GMDS: variants seen among roughly 807,000 people sequenced by gnomAD.
The protein encoded by GMDS is GDP-mannose 4,6-dehydratase, also known as GDP-mannose 4,6 dehydratase.
A neutral mutation model predicts 49.9 loss-of-function variants in GMDS; 20 were observed. That is an observed-to-expected ratio of 0.40 (90% CI 0.28 to 0.58). The LOEUF (loss-of-function observed/expected upper bound fraction) is 0.58, where lower values mean the gene tolerates loss of function less well. GMDS is among the 20% of genes least tolerant of loss of function. GMDS has a pLI of 0.42. For synonymous variants in GMDS, 177 were observed against 178.6 expected (o/e 0.99, Z 0.07); for missense variants, 362 against 481.4 (o/e 0.75, Z 2.32).
At chr6:2,169,725 T>C (rs1777860634) in intron 1 of GMDS, among the ~76,000 whole-genome samples, 1 of 151,464 alleles carries the variant, frequency 6.6e-6, no homozygotes, top group African/African-American at 2.4e-5. Flanking sequence ...TTTCATAAAA[T>C]ATTTGCCAGG....
At chr6:2,023,144 C>T (rs562218485) in intron 4 of GMDS, among the ~76,000 whole-genome samples, 46 of 152,276 alleles carry the variant, frequency 3.0e-4, no homozygotes, top group African/African-American at 1.1e-3. Flanking sequence ...TTTCATTTTA[C>T]ACTATAGGAA....
intron 9 of GMDS, among the ~76,000 whole-genome samples, chr6:1,676,558 C>T (rs1200734129): frequency 6.6e-6 from 1 of 152,204 alleles, no homozygotes; most frequent in Non-Finnish European, 1.5e-5. Flanking sequence ...GTAACCAAAA[C>T]AGCATGCTAC....
chr6:1,974,513 T>C (rs1764786922), intron 4 of GMDS, among the ~76,000 whole-genome samples: 1 of 152,174 alleles, frequency 6.6e-6, no homozygotes, highest in Non-Finnish European at 1.5e-5. Context: ...ACGTTTTCTC[T>C]CTATTTGCTG....
intron 4 of GMDS, among the ~76,000 whole-genome samples, chr6:2,075,266 G>A (rs1296382843): frequency 1.3e-5 from 2 of 151,758 alleles, no homozygotes; most frequent in Non-Finnish European, 2.9e-5. Context: ...TTTTTTTACA[G>A]GAAAGTGGAT....
chr6:1,747,673 T>C (rs1035370339), intron 7 of GMDS, among the ~76,000 whole-genome samples: 2 of 152,246 alleles, frequency 1.3e-5, no homozygotes, highest in African/African-American at 4.8e-5. Flanking sequence ...GCTGTTTTCA[T>C]GATGGCAGCC....
chr6:2,050,245 A>T (rs938374323), intron 4 of GMDS, among the ~76,000 whole-genome samples: 1 of 152,216 alleles, frequency 6.6e-6, no homozygotes, highest in Admixed American at 6.5e-5. Context: ...AATACTATCA[A>T]CACCTCTACA....
chr6:1,847,469 G>A (rs969688534), intron 7 of GMDS, among the ~76,000 whole-genome samples: 1 of 152,200 alleles, frequency 6.6e-6, no homozygotes, highest in Non-Finnish European at 1.5e-5. Flanking sequence ...TATTCAGTCT[G>A]TCTTGGAGCG....
At chr6:1,842,253 G>T (rs1024806581) in intron 7 of GMDS, among the ~76,000 whole-genome samples, 1 of 152,232 alleles carries the variant, frequency 6.6e-6, no homozygotes, top group African/African-American at 2.4e-5. Flanking sequence ...GGTCGTTACA[G>T]TCCCACCTTC....
intron 4 of GMDS, among the ~76,000 whole-genome samples, chr6:2,042,840 G>A (rs566625732): frequency 4.6e-5 from 7 of 152,080 alleles, no homozygotes; most frequent in Admixed American, 2.0e-4. Context: ...CTTTCCACTC[G>A]GACTCGTTTC....
At chr6:1,920,580 A>T (rs1440628744) in intron 7 of GMDS, among the ~76,000 whole-genome samples, 1 of 152,254 alleles carries the variant, frequency 6.6e-6, no homozygotes, top group Non-Finnish European at 1.5e-5. Context: ...AATATTGAAG[A>T]TATAAGCAAA....
chr6:1,677,162 G>A (rs1465803733), intron 9 of GMDS, among the ~76,000 whole-genome samples: 18 of 152,130 alleles, frequency 1.2e-4, no homozygotes, highest in African/African-American at 2.7e-4. Context: ...TTATGCAGCC[G>A]ACAGACACAT....
At chr6:1,941,750 G>A (rs1031752782) in intron 6 of GMDS, among the ~76,000 whole-genome samples, 2 of 152,138 alleles carry the variant, frequency 1.3e-5, no homozygotes, top group African/African-American at 2.4e-5. Flanking sequence ...AGAGAGGTGA[G>A]AATTGCTGAT....
At chr6:1,654,986 G>A (rs1201372720) in intron 9 of GMDS, among the ~76,000 whole-genome samples, 2 of 150,656 alleles carry the variant, frequency 1.3e-5, no homozygotes, top group Non-Finnish European at 3.0e-5. Context: ...ACTTGAACCC[G>A]GGAGGCAGAG....
At chr6:2,207,472 T>C (rs537885144) in intron 1 of GMDS, among the ~76,000 whole-genome samples, 2 of 152,116 alleles carry the variant, frequency 1.3e-5, no homozygotes, top group South Asian at 4.1e-4. Context: ...ATAGGGATTG[T>C]ATTTTTAAGG....
At chr6:1,710,572 T>A (rs1019915257) in intron 9 of GMDS, among the ~76,000 whole-genome samples, 1 of 152,146 alleles carries the variant, frequency 6.6e-6, no homozygotes, top group Non-Finnish European at 1.5e-5. Flanking sequence ...TGCCCTGACA[T>A]GGCAGATACA....
chr6:2,005,138 G>T (rs763900800), intron 4 of GMDS, among the ~76,000 whole-genome samples: 1 of 152,134 alleles, frequency 6.6e-6, no homozygotes, highest in African/African-American at 2.4e-5. Context: ...TTGCTTAGTG[G>T]AACTTTTTTC....
At chr6:1,843,446 G>T (rs970620876) in intron 7 of GMDS, among the ~76,000 whole-genome samples, 2 of 152,202 alleles carry the variant, frequency 1.3e-5, no homozygotes, top group African/African-American at 2.4e-5. Context: ...AAATAAAAAA[G>T]ACCAGAGCCC....
At chr6:1,630,430 G>A (rs887356866) in intron 9 of GMDS, among the ~76,000 whole-genome samples, 2 of 152,252 alleles carry the variant, frequency 1.3e-5, no homozygotes, top group Non-Finnish European at 2.9e-5. Flanking sequence ...GGACAGAGGA[G>A]CATGCTCCCC....
At chr6:2,202,382 C>A (rs536072522) in intron 1 of GMDS, among the ~76,000 whole-genome samples, 1 of 151,722 alleles carries the variant, frequency 6.6e-6, no homozygotes, top group South Asian at 2.1e-4. Context: ...AGCATGTCCT[C>A]ACTGCACAGT....
Sources: gnomAD v4.1 joint callset for allele counts (sites outside exome capture counted in the v4.1 genomes callset) on GRCh38, gnomAD v4.1.1 for gene constraint, MANE v1.5 for transcripts, NCBI Gene and HGNC (gene_info 2026-07-23, HGNC 2026-07-21) for gene names.